NOP2: variants seen among roughly 807,000 people sequenced by gnomAD.
NOP2 encodes the protein NOP2 nucleolar protein.
A neutral mutation model predicts 72.7 loss-of-function variants in NOP2; 7 were observed. The observed-to-expected ratio is 0.10, with a 90% CI of 0.05 to 0.18. The LOEUF is 0.18. Among genes scored for constraint, NOP2 ranks in the 10% least tolerant of loss-of-function variants. The pLI is 1.00. For synonymous variants in NOP2, 387 were observed against 388.0 expected (o/e 1.00, Z 0.03); for missense variants, 954 against 1,014.7 (o/e 0.94, Z 0.81).
chr12:6,560,967 G>C lies in NOP2; in HGVS notation c.1311C>G (p.Thr437=). Reference sequence around the variant, plus strand: ...GGCGCCCATCATAGTGGCTGATAATGGTGTTGGTGACTCCCAGCCGATGCA... The same window carrying C: ...GGCGCCCATCATAGTGGCTGATAATCGTGTTGGTGACTCCCAGCCGATGCA... The part of the protein sequence containing the change: ...GNLHRLGVTN[T]IISHYDGRQF... The change falls in exon 12 of 16, where the codon ACC becomes ACG. Residue 437 remains threonine (T), a synonymous_variant. Transcript: ENST00000322166. The surrounding 1 kb of genome is among the most constrained non-coding windows in gnomAD (Gnocchi z 5.0). The C allele has an allele frequency of 6.2e-7, 1 of 1,613,912 alleles. No homozygotes were observed. Among genetic ancestry groups the C allele is most frequent in the East Asian group, 2.2e-5 (1 of 44,878 alleles).
At chr12:6,563,002 G>A (rs561757214) in intron 9 of NOP2, 79 bp downstream of exon 9, 1 of 1,377,030 alleles carries the variant, frequency 7.3e-7, no homozygotes, top group South Asian at 1.2e-5. Context: ...ACCCAGTCAG[G>A]GTAGCACAGA....
At position 6,557,634 on chromosome 12, in the gene NOP2, C is replaced by T; in HGVS notation, c.1798G>A (p.Glu600Lys). 1.6e-5 allele frequency: 25 copies of T among 1,609,064 alleles called. No individual in the cohort carries two copies. The highest frequency in any genetic ancestry group is 2.0e-5 in the Non-Finnish European group (23 of 1,177,882). Residue 600 changes from glutamate (E) to lysine (K), a missense_variant, in exon 16 of 16, where the codon GAA becomes AAA. Coordinates refer to ENST00000322166, the MANE Select transcript of NOP2 (RefSeq NM_001258308.2). ...TCTACATTTGTAGGTGTGGCTGTTT[C>T]AGAATTTCCTGGGGTTAAAATTAAA... ...SIPQSQTGNSETATPTNVDLP... is the reference protein window; with the variant it reads ...SIPQSQTGNSKTATPTNVDLP...
chr12:6,557,419 T>C lies in NOP2; in HGVS notation c.2013A>G (p.Gln671=), dbSNP rs1592235108. 1.2e-6 allele frequency: 2 copies of C among 1,614,048 alleles called. No individual in the cohort carries two copies. Among genetic ancestry groups the C allele is most frequent in the Non-Finnish European group, 1.7e-6 (2 of 1,179,904 alleles). Reference sequence around the variant, plus strand: ...TGCTATCCTGGAAGCTGGAGGAAGCTTGGGTCTTTGTGACAGAAGGTACAG... The same window carrying C: ...TGCTATCCTGGAAGCTGGAGGAAGCCTGGGTCTTTGTGACAGAAGGTACAG... ...LSTVPSVTKT[Q]ASSSFQDSSQ... Residue 671 remains glutamine, a synonymous_variant, in exon 16 of 16, where the codon CAA becomes CAG. Coordinates refer to ENST00000322166, the MANE Select transcript of NOP2 (RefSeq NM_001258308.2).
At chr12:6,567,992 C>A (rs1947829262) in intron 1 of NOP2, 70 bp from the exon 2 acceptor site, 3 of 1,230,186 alleles carry the variant, frequency 2.4e-6, no homozygotes, top group Non-Finnish European at 2.4e-6. Flanking sequence ...GCACGCTTGG[C>A]GTATTATAGT....
In NOP2 at chr12:6,560,694, T is replaced by G. The variant is rs1343900579; in HGVS notation, c.1437+4A>C. On this transcript the variant is annotated splice_donor_region_variant and intron_variant, in intron 13 of 15. Transcript: ENST00000322166. This position sits in a 1 kb window ranked among gnomAD's most constrained non-coding sequence, Gnocchi z 5.0. The stretch of plus-strand genomic sequence containing the variant: ...TCTCAGGGGCCCACCACCTGACTCC[T>G]CACCTTGTTAGTCTTCACGGCTGGA... The G allele has an allele frequency of 6.2e-7, 1 of 1,613,208 alleles. No individual in the cohort carries two copies. Among genetic ancestry groups the G allele is most frequent in the African/African-American group, 1.3e-5 (1 of 74,818 alleles).
At chr12:6,566,500 T>G in intron 4 of NOP2, 29 bp downstream of exon 4, 1 of 1,604,034 alleles carries the variant, frequency 6.2e-7, no homozygotes, top group Non-Finnish European at 8.5e-7. Flanking sequence ...GGACTCCTCA[T>G]GTAGCATCCA....
chr12:6,568,087 C>T (rs1309885883), intron 1 of NOP2, 120 bp downstream of exon 1: 4 of 607,764 alleles, frequency 6.6e-6, no homozygotes, highest in Non-Finnish European at 1.2e-5. Flanking sequence ...CCCCCGCTAT[C>T]CCCCTGGAGG....
chr12:6,560,652 G>A lies in NOP2; in HGVS notation c.1437+46C>T, dbSNP rs373438770. 830 of 1,611,802 alleles carry A rather than the reference G, an allele frequency of 5.1e-4. No individual in the cohort carries two copies. The highest frequency in any genetic ancestry group is 6.1e-4 in the Non-Finnish European group (723 of 1,178,596). ...TCCCCATCTCAGTTTCCAGCTCTAC[G>A]AGACCCAGCCAAGGCCTCTCAGGGG... On this transcript the variant is annotated intron_variant, in intron 13 of 15. Transcript: ENST00000322166. This position sits in a 1 kb window ranked among gnomAD's most constrained non-coding sequence, Gnocchi z 5.0.
At chr12:6,561,626 A>C in intron 11 of NOP2, 38 bp downstream of exon 11, 1 of 1,605,874 alleles carries the variant, frequency 6.2e-7, no homozygotes, top group East Asian at 2.2e-5. Flanking sequence ...CAAAAGCAAG[A>C]CAGCCCGATG....
chr12:6,567,762 TA>T, intron 2 of NOP2, 53 bp downstream of exon 2: 1 of 1,351,770 alleles, frequency 7.4e-7, no homozygotes, highest in Non-Finnish European at 1.0e-6. Context: ...GAAGAGGTTA[TA>T]ATACAGAATA....
rs1947704115 is a variant in NOP2 at position 6,563,597 on chromosome 12, C to G, written c.688+17G>C. The G allele has an allele frequency of 3.1e-6, 5 of 1,608,664 alleles. No individual in the cohort carries two copies. Among genetic ancestry groups the G allele is most frequent in the African/African-American group, 2.7e-5 (2 of 74,830 alleles). On this transcript the variant is annotated intron_variant, in intron 7 of 15. Transcript: ENST00000322166. ...ACCACCTTCCTCCTAACTCTTCACT[C>G]TGCCCTGCAAGGATATCCTGCTCCA...
chr12:6,562,028 G>A, intron 9 of NOP2, 57 bp from the exon 10 acceptor site: 4 of 1,301,234 alleles, frequency 3.1e-6, no homozygotes, highest in Non-Finnish European at 4.3e-6. Context: ...TCACTCTGTT[G>A]CCCAGGCTAG....
chr12:6,561,567 G>A lies in NOP2; in HGVS notation c.1207+97C>T, dbSNP rs1947650359. ...ACCCTGCTAGCTACCTGCACATTGT[G>A]TTCCATGAGCACTAGTGAGTCAGCA... On this transcript the variant is annotated intron_variant, in intron 11 of 15. Coordinates refer to ENST00000322166, the MANE Select transcript of NOP2 (RefSeq NM_001258308.2). 53 of 1,481,966 alleles carry A rather than the reference G, an allele frequency of 3.6e-5. No individual in the cohort carries two copies. The South Asian group carries it at 6.5e-4, about 18-fold the overall frequency. The allele number at this position is 1,481,966 out of a possible 1,614,324, so 91.8% of individuals were successfully genotyped here. A position where few individuals can be genotyped will look rare whatever the true frequency, so the allele number is the denominator to read the frequency against.
At chr12:6,561,565 G>T in intron 11 of NOP2, 99 bp downstream of exon 11, 2 of 1,478,952 alleles carry the variant, frequency 1.4e-6, no homozygotes, top group Non-Finnish European at 1.8e-6. Flanking sequence ...CCTGCACATT[G>T]TGTTCCATGA....
chr12:6,559,352 C>T (rs975160073), intron 15 of NOP2, among the ~76,000 whole-genome samples: 3 of 152,150 alleles, frequency 2.0e-5, no homozygotes, highest in Non-Finnish European at 4.4e-5. Context: ...ATCTCCTGAC[C>T]TCGTGATCCA....
chr12:6,557,138 A>G lies in NOP2; in HGVS notation c.2294T>C (p.Phe765Ser). Residue 765 changes from phenylalanine (F) to serine (S), a missense_variant, in exon 16 of 16, where the codon TTT becomes TCT. Physicochemically the swap from Phe to Ser is radical, Grantham distance 155. Transcript: ENST00000322166. ...CTGTTTCTGGAAGGCAGCTTTCTCA[A>G]AAGGCTGCTCTGGCAACTGCTGCTT... ...VEKQQLPEQP[F>S]EKAAFQKQND... is the part of the protein sequence containing the mutation. 6.2e-7 allele frequency: 1 copy of G among 1,613,930 alleles called. No homozygotes were observed. The highest frequency in any genetic ancestry group is 1.3e-5 in the African/African-American group (1 of 74,994).
chr12:6,565,442 G>C (rs183750529), intron 5 of NOP2, among the ~76,000 whole-genome samples: 5 of 152,092 alleles, frequency 3.3e-5, no homozygotes, highest in Admixed American at 2.6e-4. Context: ...ACAGGTTCAA[G>C]CAATTTTCCT....
At chr12:6,559,360 C>A (rs1246755614) in intron 15 of NOP2, among the ~76,000 whole-genome samples, 1 of 152,178 alleles carries the variant, frequency 6.6e-6, no homozygotes, top group East Asian at 1.9e-4. Context: ...ACCTCGTGAT[C>A]CACCCGTCTT....
chr12:6,567,969 G>A (rs376186335), intron 1 of NOP2, 47 bp from the exon 2 acceptor site: 343 of 1,471,398 alleles, frequency 2.3e-4, no homozygotes, highest in Non-Finnish European at 3.1e-4. Context: ...CGTGTCGGAG[G>A]GAACGGCAGA....
Sources: gnomAD v4.1 joint callset for allele counts (sites outside exome capture counted in the v4.1 genomes callset) on GRCh38, gnomAD v4.1.1 for gene constraint, Gnocchi (gnomAD v3.1) non-coding constraint, MANE v1.5 for transcripts, NCBI Gene and HGNC (gene_info 2026-07-23, HGNC 2026-07-21) for gene names.